Variants in ERBB4 observed in about 807,000 individuals in gnomAD.
ERBB4 encodes the protein receptor tyrosine-protein kinase erbB-4.
Under a neutral mutation model 158.0 loss-of-function variants are expected in ERBB4, and 42 were observed. That is an observed-to-expected ratio of 0.27 (90% confidence interval 0.21 to 0.34). ERBB4 has a LOEUF of 0.34. Ranked by LOEUF, ERBB4 falls within the 10% of genes least tolerant of loss-of-function variation. The pLI is 1.00. For synonymous variants in ERBB4, 583 were observed against 558.7 expected (o/e 1.04, Z -0.61); for missense variants, 1,333 against 1,624.1 (o/e 0.82, Z 3.08).
chr2:211,992,267 G>A, intron 2 of ERBB4, among the ~76,000 whole-genome samples: 1 of 152,110 alleles, frequency 6.6e-6, no homozygotes, highest in South Asian at 2.1e-4. Context: ...CAGAATCATG[G>A]CAGGAGGTGA....
chr2:212,063,402 A>G lies in ERBB4; in HGVS notation c.234+61350T>C, dbSNP rs568153742. Among the ~76,000 whole-genome samples the G allele has an allele frequency of 3.3e-5, 5 of 152,280 alleles. No individual in the cohort carries two copies. In the East Asian group the frequency reaches 9.6e-4, roughly 29 times the overall value. On this transcript the variant is annotated intron_variant, in intron 2 of 27. Transcript: ENST00000342788. ...ATCTTAAATAGTTTGAAGGACATAC[A>G]GATATTTAATAAATAATCTGATGAT...
At chr2:212,331,087 T>TATATATACAC (rs2088142461) in intron 1 of ERBB4, among the ~76,000 whole-genome samples, 2 of 112,074 alleles carry the variant, frequency 1.8e-5, no homozygotes, top group Non-Finnish European at 4.0e-5. Context: ...TATATATATA[T>TATATATACAC]GCCCATAACA....
chr2:212,365,246 A>G (rs2089843103), intron 1 of ERBB4, among the ~76,000 whole-genome samples: 1 of 151,760 alleles, frequency 6.6e-6, no homozygotes, highest in South Asian at 2.1e-4. Context: ...TGCTCAAATT[A>G]TCTTGTGAAC....
chr2:211,800,269 T>C (rs2076470659), intron 3 of ERBB4, among the ~76,000 whole-genome samples: 1 of 152,194 alleles, frequency 6.6e-6, no homozygotes, highest in African/African-American at 2.4e-5. Context: ...AATGCAGTAT[T>C]TCTCTTAATC....
At chr2:212,215,715 G>T (rs2083078042) in intron 1 of ERBB4, among the ~76,000 whole-genome samples, 1 of 151,264 alleles carries the variant, frequency 6.6e-6, no homozygotes, top group Admixed American at 6.6e-5. Context: ...AAAATCTTGT[G>T]AAGGAAATCC....
At chr2:211,487,510 C>T (rs2065237249) in intron 20 of ERBB4, among the ~76,000 whole-genome samples, 1 of 152,036 alleles carries the variant, frequency 6.6e-6, no homozygotes, top group African/African-American at 2.4e-5. Context: ...ACACTCAAAA[C>T]ACCTCCTTCA....
At chr2:212,424,744 G>A (rs1165938318) in intron 1 of ERBB4, among the ~76,000 whole-genome samples, 1 of 151,586 alleles carries the variant, frequency 6.6e-6, no homozygotes, top group Non-Finnish European at 1.5e-5. Flanking sequence ...TTTGTTTTTG[G>A]TGTAGAAGGG....
chr2:211,584,442 A>T (rs1208970855), intron 19 of ERBB4, among the ~76,000 whole-genome samples: 1 of 152,128 alleles, frequency 6.6e-6, no homozygotes, highest in African/African-American at 2.4e-5. Context: ...GGACTCCTAT[A>T]TGACATTTTT....
chr2:212,428,804 C>T lies in ERBB4; in HGVS notation c.82+109645G>A, dbSNP rs545247285. On this transcript the variant is annotated intron_variant, in intron 1 of 27. Coordinates refer to ENST00000342788, the MANE Select transcript of ERBB4 (RefSeq NM_005235.3). ...CATTTGTTATCAAGAAGAGAAGAGA[C>T]AAGTGCATACTCACTAAGTCTGGGA... Among the ~76,000 whole-genome samples the T allele has an allele frequency of 2.3e-4, 35 of 151,412 alleles. No individual in the cohort carries two copies. The South Asian group carries it at 4.2e-3, about 18-fold the overall frequency.
intron 1 of ERBB4, among the ~76,000 whole-genome samples, chr2:212,303,883 C>G (rs1209346798): frequency 6.6e-6 from 1 of 151,328 alleles, no homozygotes; most frequent in Non-Finnish European, 1.5e-5. Context: ...TTGAAATGGA[C>G]TCTATAACAA....
chr2:211,418,330 A>C (rs1004954307), intron 25 of ERBB4, among the ~76,000 whole-genome samples: 2 of 152,172 alleles, frequency 1.3e-5, no homozygotes, highest in African/African-American at 4.8e-5. Context: ...ACGTAAAGCC[A>C]GACTGAAAAC....
intron 1 of ERBB4, among the ~76,000 whole-genome samples, chr2:212,196,844 T>C (rs1350316392): frequency 6.6e-6 from 1 of 152,148 alleles, no homozygotes; most frequent in Non-Finnish European, 1.5e-5. Flanking sequence ...ATTTTTGATA[T>C]ACAGGAAATT....
intron 2 of ERBB4, among the ~76,000 whole-genome samples, chr2:212,061,631 G>C (rs1046359167): frequency 6.6e-6 from 1 of 151,992 alleles, no homozygotes; most frequent in South Asian, 2.1e-4. Flanking sequence ...AGTGGTGATG[G>C]ATATGGGTGG....
chr2:211,636,134 G>C (rs958230694), intron 16 of ERBB4, among the ~76,000 whole-genome samples: 1 of 151,708 alleles, frequency 6.6e-6, no homozygotes, highest in Non-Finnish European at 1.5e-5. Flanking sequence ...AAGTATATAA[G>C]AAGGAAAAAC....
At chr2:211,404,874 G>T (rs1397996120) in intron 25 of ERBB4, among the ~76,000 whole-genome samples, 1 of 152,106 alleles carries the variant, frequency 6.6e-6, no homozygotes, top group Non-Finnish European at 1.5e-5. Flanking sequence ...AATCTAATCT[G>T]CCAAATTCAT....
At chr2:211,511,297 C>T (rs958771350) in intron 20 of ERBB4, among the ~76,000 whole-genome samples, 5 of 151,750 alleles carry the variant, frequency 3.3e-5, no homozygotes, top group Admixed American at 6.6e-5. Flanking sequence ...ATATGTTAAG[C>T]TAATTATAGG....
chr2:211,917,679 T>A (rs1463924903), intron 3 of ERBB4, among the ~76,000 whole-genome samples: 2 of 151,950 alleles, frequency 1.3e-5, no homozygotes, highest in African/African-American at 2.4e-5. Flanking sequence ...AGGACTGGAA[T>A]AAAGAAATTT....
intron 14 of ERBB4, among the ~76,000 whole-genome samples, chr2:211,669,234 A>AG (rs2071744648): frequency 7.3e-6 from 1 of 137,712 alleles, no homozygotes; most frequent in Non-Finnish European, 1.7e-5. Flanking sequence ...AAAAAAAAAA[A>AG]AAAAGAAAAA....
At chr2:212,417,394 A>G (rs760756937) in intron 1 of ERBB4, among the ~76,000 whole-genome samples, 1 of 152,024 alleles carries the variant, frequency 6.6e-6, no homozygotes, top group Non-Finnish European at 1.5e-5. Flanking sequence ...TCCTAATCCA[A>G]AAATCTAAAA....
Sources: allele counts gnomAD v4.1 joint callset (sites outside exome capture counted in the v4.1 genomes callset), GRCh38; gene constraint gnomAD v4.1.1; transcripts MANE v1.5; gene names NCBI Gene and HGNC (gene_info 2026-07-23, HGNC 2026-07-21).